The following PEX14 variants were observed in gnomAD, a reference collection of about 807,000 sequenced individuals.
The protein encoded by PEX14 is peroxisomal membrane protein PEX14.
PEX14 carries 15 observed loss-of-function variants against 49.5 expected under a neutral mutation model. The ratio of observed to expected loss-of-function variants is 0.30; its 90% confidence interval spans 0.20 to 0.47. The LOEUF (loss-of-function observed/expected upper bound fraction) is 0.47, where lower values mean the gene tolerates loss of function less well. Among genes scored for constraint, PEX14 ranks in the 20% least tolerant of loss-of-function variants. The pLI, the probability that PEX14 is intolerant of heterozygous loss-of-function variation, is 1.00. For synonymous variants in PEX14, 210 were observed against 212.7 expected (o/e 0.99, Z 0.11); for missense variants, 398 against 494.8 (o/e 0.80, Z 1.86).
chr1:10,568,939 C>T (rs1393967497), intron 3 of PEX14, among the ~76,000 whole-genome samples: 1 of 152,064 alleles, frequency 6.6e-6, no homozygotes, highest in Non-Finnish European at 1.5e-5. Flanking sequence ...GGGGTTTCAC[C>T]ACATTGGCCA....
chr1:10,500,242 A>G (rs1018263691), intron 2 of PEX14, among the ~76,000 whole-genome samples: 1 of 127,542 alleles, frequency 7.8e-6, no homozygotes, highest in Non-Finnish European at 1.6e-5. Context: ...GTCTCTACTT[A>G]AAAAAAAAAA....
intron 3 of PEX14, among the ~76,000 whole-genome samples, chr1:10,566,413 G>T (rs1164410580): frequency 6.6e-6 from 1 of 152,028 alleles, no homozygotes; most frequent in Non-Finnish European, 1.5e-5. Context: ...CTATTAGTTT[G>T]AAATTTGTCT....
intron 3 of PEX14, among the ~76,000 whole-genome samples, chr1:10,594,809 T>C (rs551117213): frequency 4.5e-4 from 40 of 88,462 alleles, no homozygotes; most frequent in African/African-American, 1.5e-3. Flanking sequence ...GAAAGGACCC[T>C]AGGGCATCAC....
chr1:10,534,882 G>A (rs1638753967), intron 2 of PEX14, among the ~76,000 whole-genome samples: 1 of 152,018 alleles, frequency 6.6e-6, no homozygotes, highest in Non-Finnish European at 1.5e-5. Context: ...TTTTTCTTTG[G>A]TTTATCCTCA....
chr1:10,624,503 C>A (rs1287647798), intron 7 of PEX14, 66 bp downstream of exon 7: 4 of 1,131,904 alleles, frequency 3.5e-6, no homozygotes, highest in Non-Finnish European at 4.0e-6. Context: ...TCACTCTTGT[C>A]CCTTGGGCCG....
intron 3 of PEX14, among the ~76,000 whole-genome samples, chr1:10,548,826 T>C (rs1639252907): frequency 6.6e-6 from 1 of 152,242 alleles, no homozygotes; most frequent in South Asian, 2.1e-4. Flanking sequence ...ACAACTCTAC[T>C]AATGTTTCCT....
intron 3 of PEX14, among the ~76,000 whole-genome samples, chr1:10,573,411 G>A (rs1032616162): frequency 4.6e-5 from 7 of 152,120 alleles, no homozygotes; most frequent in South Asian, 2.1e-4. Context: ...GTAAGATCCC[G>A]TCTCTCTTAA....
chr1:10,555,402 C>T (rs1268218271), intron 3 of PEX14, among the ~76,000 whole-genome samples: 1 of 151,828 alleles, frequency 6.6e-6, no homozygotes, highest in Non-Finnish European at 1.5e-5. Context: ...CGGAGGAAAA[C>T]ATGCTAAAAA....
intron 3 of PEX14, among the ~76,000 whole-genome samples, chr1:10,583,831 G>C: frequency 6.6e-6 from 1 of 152,234 alleles, no homozygotes; most frequent in Non-Finnish European, 1.5e-5. Flanking sequence ...GGGAATGACC[G>C]ATGCAGAAGC....
chr1:10,578,087 G>C (rs1640204849), intron 3 of PEX14, among the ~76,000 whole-genome samples: 4 of 152,106 alleles, frequency 2.6e-5, no homozygotes, highest in Admixed American at 2.6e-4. Context: ...GAGACTGTGT[G>C]TCGGGAAATT....
At chr1:10,551,715 T>G (rs1453668303) in intron 3 of PEX14, among the ~76,000 whole-genome samples, 1 of 152,216 alleles carries the variant, frequency 6.6e-6, no homozygotes, top group Non-Finnish European at 1.5e-5. Flanking sequence ...CTTATACCAA[T>G]TTTTCTTTAA....
chr1:10,505,870 A>T (rs534515082), intron 2 of PEX14, among the ~76,000 whole-genome samples: 4 of 152,046 alleles, frequency 2.6e-5, no homozygotes, highest in Admixed American at 2.6e-4. Context: ...TAGTAAAGAC[A>T]GGGTTTTGCC....
rs34964492 is a variant in PEX14 at position 10,560,718 on chromosome 1, C to CTTT, written c.169+24436_169+24438dup. 4.1e-3 allele frequency among the ~76,000 whole-genome samples: 524 copies of CTTT among 129,050 alleles called. 22 individuals carry two copies. Among genetic ancestry groups the CTTT allele is most frequent in the African/African-American group, 0.012 (415 of 33,268 alleles). The allele number at this position is 129,050 out of a possible 152,430, so 84.7% of individuals were successfully genotyped here. The stretch of plus-strand genomic sequence containing the variant: ...TTCTTAGTTGTTAACATTTTGCCAC[C>CTTT]TTTTTTTTTTTTTTTTTGAGACGGA... On this transcript the variant is annotated intron_variant, in intron 3 of 8. Coordinates refer to ENST00000356607, the MANE Select transcript of PEX14 (RefSeq NM_004565.3).
At chr1:10,501,146 G>A (rs181458473) in intron 2 of PEX14, among the ~76,000 whole-genome samples, 6 of 152,096 alleles carry the variant, frequency 3.9e-5, no homozygotes, top group Non-Finnish European at 4.4e-5. Context: ...TATTTAAAAA[G>A]TCTGTAGTGG....
intron 2 of PEX14, among the ~76,000 whole-genome samples, chr1:10,519,525 C>CA (rs960788680): frequency 2.0e-5 from 3 of 152,132 alleles, no homozygotes; most frequent in Non-Finnish European, 4.4e-5. Flanking sequence ...TGCCTTATTA[C>CA]AAAAAACATT....
At chr1:10,565,867 T>C (rs968500608) in intron 3 of PEX14, among the ~76,000 whole-genome samples, 3 of 152,050 alleles carry the variant, frequency 2.0e-5, no homozygotes, top group Non-Finnish European at 4.4e-5. Context: ...TAGATGGGTG[T>C]GGTAGCACAT....
intron 4 of PEX14, among the ~76,000 whole-genome samples, chr1:10,603,410 A>G (rs1434374424): frequency 1.3e-5 from 2 of 152,212 alleles, no homozygotes; most frequent in Non-Finnish European, 2.9e-5. Context: ...AGAAAAGAGA[A>G]GAATTAATGT....
intron 2 of PEX14, among the ~76,000 whole-genome samples, chr1:10,524,092 G>A (rs1236595028): frequency 1.3e-5 from 2 of 152,102 alleles, no homozygotes; most frequent in Non-Finnish European, 2.9e-5. Flanking sequence ...CAGATAAATG[G>A]TGCTAGCTGC....
At chr1:10,498,649 C>T (rs2124409180) in intron 2 of PEX14, among the ~76,000 whole-genome samples, 1 of 152,334 alleles carries the variant, frequency 6.6e-6, no homozygotes, top group East Asian at 1.9e-4. Flanking sequence ...CAAACCAACC[C>T]AGCAACATTG....
Sources: allele counts gnomAD v4.1 joint callset (sites outside exome capture counted in the v4.1 genomes callset), GRCh38; gene constraint gnomAD v4.1.1; transcripts MANE v1.5; gene names NCBI Gene and HGNC (gene_info 2026-07-23, HGNC 2026-07-21).